Variants in SORCS1 observed in about 807,000 individuals in gnomAD.
SORCS1 encodes sortilin related VPS10 domain containing receptor 1.
In SORCS1, 60 loss-of-function variants were observed where a neutral mutation model predicts 146.1. The ratio of observed to expected loss-of-function variants is 0.41; its 90% CI spans 0.33 to 0.51. The LOEUF (loss-of-function observed/expected upper bound fraction) is 0.51, where lower values mean the gene tolerates loss of function less well. Among genes scored for constraint, SORCS1 ranks in the 20% least tolerant of loss-of-function variants. SORCS1 has a pLI of 0.21. For synonymous variants in SORCS1, 637 were observed against 584.0 expected, an observed-to-expected ratio of 1.09 and a Z score of -1.31; for missense variants, 1,352 against 1,487.6, an observed-to-expected ratio of 0.91 and a Z score of 1.50.
the SORCS1 span, among the ~76,000 whole-genome samples, chr10:107,175,737 A>T: frequency 6.6e-6 from 1 of 152,134 alleles, no homozygotes; most frequent in South Asian, 2.1e-4. Context: ...GTGCCCAGCC[A>T]GTTTATTTCT....
chr10:106,952,083 C>T (rs1037259599), intron 2 of SORCS1, among the ~76,000 whole-genome samples: 85 of 152,296 alleles, frequency 5.6e-4, no homozygotes, highest in African/African-American at 2.0e-3. Flanking sequence ...CCTTACCCTT[C>T]CCTAGTTCCT....
intron 1 of SORCS1, among the ~76,000 whole-genome samples, chr10:107,034,102 A>C (rs966230904): frequency 2.8e-4 from 42 of 152,242 alleles, no homozygotes; most frequent in African/African-American, 9.4e-4. Context: ...GAGAGAACAG[A>C]GATAGGCTGA....
chr10:107,060,845 G>C lies in SORCS1; in HGVS notation c.558+103124C>G, dbSNP rs1961139607. Among the ~76,000 whole-genome samples, 1 of 151,976 alleles carries C rather than the reference G, an allele frequency of 6.6e-6. No homozygotes were observed. The highest frequency in any genetic ancestry group is 1.5e-5 in the Non-Finnish European group (1 of 67,994). On this transcript the variant is annotated intron_variant, in intron 1 of 25. Coordinates refer to ENST00000263054, the MANE Select transcript of SORCS1 (RefSeq NM_052918.5). This position sits in a 1 kb window ranked among gnomAD's most constrained non-coding sequence, Gnocchi z 4.1. ...AGGAGCTTTAAAAAATCATATTTTA[G>C]TTAATTTTATTGAATCACAAGCCTC...
chr10:106,737,396 T>C (rs1276673310), intron 5 of SORCS1, among the ~76,000 whole-genome samples: 1 of 151,894 alleles, frequency 6.6e-6, no homozygotes, highest in Non-Finnish European at 1.5e-5. Context: ...TCCCCACTTT[T>C]ATGCCCCCTC....
chr10:106,926,341 T>C (rs1465295821), intron 2 of SORCS1, among the ~76,000 whole-genome samples: 3 of 152,184 alleles, frequency 2.0e-5, no homozygotes, highest in Non-Finnish European at 4.4e-5. Context: ...AAGTCAAAAA[T>C]AACTGAGTTT....
At chr10:106,679,922 G>C (rs1852312745) in intron 10 of SORCS1, among the ~76,000 whole-genome samples, 188 bp from the exon 11 acceptor site, 1 of 152,096 alleles carries the variant, frequency 6.6e-6, no homozygotes, top group Admixed American at 6.6e-5. Context: ...TGTCCACTAA[G>C]TGTAAAACAG....
chr10:106,590,558 C>T (rs1845539363), intron 24 of SORCS1, among the ~76,000 whole-genome samples: 1 of 152,156 alleles, frequency 6.6e-6, no homozygotes, highest in Non-Finnish European at 1.5e-5. Flanking sequence ...TGTTCTTCCA[C>T]AAGTAACTAT....
chr10:107,174,460 G>A, the SORCS1 span, among the ~76,000 whole-genome samples: 2 of 151,944 alleles, frequency 1.3e-5, no homozygotes, highest in East Asian at 1.9e-4. Context: ...CACCCGTCTC[G>A]GCCTCCCAAA....
At chr10:106,610,172 T>G (rs1397582666) in intron 22 of SORCS1, among the ~76,000 whole-genome samples, 4 of 152,042 alleles carry the variant, frequency 2.6e-5, no homozygotes, top group Non-Finnish European at 4.4e-5. Context: ...CAGAGGCACA[T>G]GAAGATACCC....
Position 106,677,353 on chromosome 10 carries a change from C to A in SORCS1, c.1792G>T (p.Val598Phe). The A allele has an allele frequency of 1.2e-6, 2 of 1,613,952 alleles. No individual in the cohort carries two copies. The highest frequency in any genetic ancestry group is 1.7e-6 in the Non-Finnish European group (2 of 1,179,884). The change falls in exon 13 of 26, where the codon GTT (valine) becomes TTT (phenylalanine). Residue 598 changes from valine (V) to phenylalanine (F), a missense_variant. Val to Phe is a conservative substitution (Grantham distance 50). Around this residue, in one of 3 missense-constraint regions of SORCS1, gnomAD observed 648 missense variants for 793.8 expected, o/e 0.82. Coordinates refer to ENST00000263054, the MANE Select transcript of SORCS1 (RefSeq NM_052918.5). ...GGGAGAGATGTGTGTTTCATAGCAA[C>A]CAGGACTCCACCTTGATCCAGGTAC... ...VLYLDQGGVL[V>F]AMKHTSLPIR...
At chr10:106,894,270 CGTGTGTGTGT>C (rs3982431) in intron 2 of SORCS1, among the ~76,000 whole-genome samples, 5,865 of 141,514 alleles carry the variant, frequency 0.041, 237 homozygotes, top group East Asian at 0.11. Flanking sequence ...CGCACGTGTG[CGTGTGTGTGT>C]GTGTGTGTGT....
chr10:106,656,747 C>T (rs991885793), intron 17 of SORCS1, among the ~76,000 whole-genome samples: 3 of 151,466 alleles, frequency 2.0e-5, no homozygotes, highest in African/African-American at 7.3e-5. Flanking sequence ...AGCTTAGTAG[C>T]TTAGTAGATC....
intron 2 of SORCS1, among the ~76,000 whole-genome samples, chr10:106,848,922 C>G (rs1949424938): frequency 6.7e-6 from 1 of 150,236 alleles, no homozygotes; most frequent in African/African-American, 2.4e-5. Flanking sequence ...CCCCCACTCT[C>G]TTCTGGCTTG....
chr10:106,626,191 C>A (rs1848101160), intron 19 of SORCS1, among the ~76,000 whole-genome samples: 1 of 152,104 alleles, frequency 6.6e-6, no homozygotes, highest in South Asian at 2.1e-4. Context: ...TTCAAGATTG[C>A]CCCTGAGGGT....
chr10:107,168,780 A>T (rs1447636551), upstream of SORCS1, among the ~76,000 whole-genome samples: 1 of 151,704 alleles, frequency 6.6e-6, no homozygotes, highest in Non-Finnish European at 1.5e-5. Flanking sequence ...GTGCAAAGAG[A>T]CAAGGTTTCT....
chr10:106,872,926 G>A (rs2137596184), intron 2 of SORCS1, among the ~76,000 whole-genome samples: 1 of 152,256 alleles, frequency 6.6e-6, no homozygotes, highest in Admixed American at 6.5e-5. Flanking sequence ...TGTAATCCCA[G>A]CACTTTGGGA....
chr10:106,718,049 G>A (rs924384581), intron 6 of SORCS1, among the ~76,000 whole-genome samples: 1 of 152,186 alleles, frequency 6.6e-6, no homozygotes, highest in South Asian at 2.1e-4. Flanking sequence ...CAGGGATGGG[G>A]ACATGATGGA....
intron 3 of SORCS1, among the ~76,000 whole-genome samples, chr10:106,783,474 T>C (rs1861050892): frequency 6.6e-6 from 1 of 152,188 alleles, no homozygotes; most frequent in Non-Finnish European, 1.5e-5. Flanking sequence ...GTACTTTATG[T>C]TCTGCTAAAA....
At chr10:106,616,112 T>C (rs1005441427) in intron 21 of SORCS1, among the ~76,000 whole-genome samples, 3 of 152,210 alleles carry the variant, frequency 2.0e-5, no homozygotes, top group Admixed American at 2.0e-4. Flanking sequence ...ATCAGCAGAA[T>C]GACTTTAAGC....
Sources: allele counts gnomAD v4.1 joint callset (sites outside exome capture counted in the v4.1 genomes callset), GRCh38; gene constraint gnomAD v4.1.1; regional missense constraint gnomAD v4.1.1; non-coding constraint Gnocchi (gnomAD v3.1); transcripts MANE v1.5; gene names NCBI Gene and HGNC (gene_info 2026-07-23, HGNC 2026-07-21).